ANXA8: variants seen among roughly 807,000 people sequenced by gnomAD.
The protein encoded by ANXA8 is annexin A8.
ANXA8 carries 9 observed loss-of-function variants against 26.8 expected under a neutral mutation model. The observed-to-expected ratio is 0.34, with a 90% confidence interval of 0.20 to 0.59. The LOEUF (loss-of-function observed/expected upper bound fraction) is 0.59, where lower values mean the gene tolerates loss of function less well. Among genes scored for constraint, ANXA8 ranks in the 20% least tolerant of loss-of-function variants. The pLI is 0.84. For missense variants in ANXA8, 83 were observed against 238.5 expected, an observed-to-expected ratio of 0.35 and a Z score of 4.29; for synonymous variants, 39 against 94.8, an observed-to-expected ratio of 0.41 and a Z score of 3.42.
chr10:47,688,721 C>A, the ANXA8 span, among the ~76,000 whole-genome samples: 3 of 151,278 alleles, frequency 2.0e-5, no homozygotes, highest in East Asian at 5.9e-4. Flanking sequence ...GTGCTCTGCC[C>A]CAAAATGACT....
chr10:47,693,285 G>A, the ANXA8 span, among the ~76,000 whole-genome samples: 6 of 150,112 alleles, frequency 4.0e-5, no homozygotes, highest in Non-Finnish European at 8.8e-5. Context: ...GGATTGTCAA[G>A]TACAATCTTT....
At chr10:47,957,211 G>C in the ANXA8 span, among the ~76,000 whole-genome samples, 3 of 150,350 alleles carry the variant, frequency 2.0e-5, no homozygotes, top group Non-Finnish European at 4.4e-5. Context: ...TTCTGTCTCA[G>C]AGGAGAGAGA....
the ANXA8 span, among the ~76,000 whole-genome samples, chr10:47,672,589 T>A: frequency 6.6e-6 from 1 of 151,830 alleles, no homozygotes; most frequent in South Asian, 2.1e-4. Flanking sequence ...ATTCCTGCCC[T>A]TGTGGAGGAG....
the ANXA8 span, among the ~76,000 whole-genome samples, chr10:47,957,057 A>G: frequency 1.3e-5 from 2 of 150,394 alleles, no homozygotes; most frequent in South Asian, 2.1e-4. Flanking sequence ...AGTACCCAGT[A>G]TCCTGGGCTG....
chr10:47,941,898 A>G, the ANXA8 span, among the ~76,000 whole-genome samples: 8 of 147,986 alleles, frequency 5.4e-5, no homozygotes, highest in African/African-American at 2.1e-4. Context: ...AGATTTCTGT[A>G]CAAAATGCCT....
chr10:47,561,700 G>A, the ANXA8 span, among the ~76,000 whole-genome samples: 5 of 151,972 alleles, frequency 3.3e-5, no homozygotes, highest in South Asian at 8.3e-4. Context: ...AGTGCCTAAT[G>A]TATGCCATTT....
the ANXA8 span, among the ~76,000 whole-genome samples, chr10:47,918,435 GA>G: frequency 2.9e-5 from 1 of 35,076 alleles, no homozygotes; most frequent in Non-Finnish European, 5.9e-5. Context: ...GAAAGAAAGA[GA>G]GAGAGAAAGA....
chr10:47,768,907 G>C, the ANXA8 span, among the ~76,000 whole-genome samples: 1 of 150,600 alleles, frequency 6.6e-6, no homozygotes, highest in Non-Finnish European at 1.5e-5. Flanking sequence ...GGTAGTGCGA[G>C]TGTGGCTCAG....
the ANXA8 span, among the ~76,000 whole-genome samples, chr10:47,513,556 C>G: frequency 7.1e-6 from 1 of 141,040 alleles, no homozygotes; most frequent in Admixed American, 7.3e-5. Context: ...TTATATGGAC[C>G]AAACAAGAAC....
chr10:47,658,151 C>T, the ANXA8 span, among the ~76,000 whole-genome samples: 7 of 151,962 alleles, frequency 4.6e-5, no homozygotes, highest in South Asian at 2.1e-4. Flanking sequence ...GGGTGGATCA[C>T]GAGATCAAGA....
At chr10:47,595,255 T>C in the ANXA8 span, among the ~76,000 whole-genome samples, 3 of 148,200 alleles carry the variant, frequency 2.0e-5, no homozygotes, top group Non-Finnish European at 2.9e-5. Context: ...CCTGCAGAAA[T>C]GCTTAAGGGA....
the ANXA8 span, among the ~76,000 whole-genome samples, chr10:47,509,190 A>T: frequency 3.9e-5 from 5 of 129,036 alleles, no homozygotes; most frequent in Non-Finnish European, 6.3e-5. Flanking sequence ...ATGCTAACTT[A>T]TCAAAATCTT....
the ANXA8 span, among the ~76,000 whole-genome samples, chr10:47,989,760 C>T: frequency 6.4e-5 from 6 of 94,426 alleles, 2 homozygotes; most frequent in Admixed American, 2.2e-4. Context: ...TATGTGGCTG[C>T]CCAGAGGCCT....
At chr10:47,690,722 C>T in the ANXA8 span, 1 of 1,547,722 alleles carries the variant, frequency 6.5e-7, no homozygotes, top group South Asian at 1.1e-5. Context: ...CATACAGGAT[C>T]TCAAGAACTT....
the ANXA8 span, among the ~76,000 whole-genome samples, chr10:47,490,027 A>C: frequency 2.0e-5 from 3 of 150,102 alleles, no homozygotes; most frequent in South Asian, 6.3e-4. Flanking sequence ...CTGGAATGGC[A>C]ATGAGCAGGC....
At chr10:47,743,534 G>A in the ANXA8 span, among the ~76,000 whole-genome samples, 1 of 138,950 alleles carries the variant, frequency 7.2e-6, no homozygotes, top group Non-Finnish European at 1.6e-5. Flanking sequence ...CACAAGGGAA[G>A]GTTTTGGGAC....
At chr10:47,953,637 TG>T in the ANXA8 span, among the ~76,000 whole-genome samples, 1 of 150,002 alleles carries the variant, frequency 6.7e-6, no homozygotes, top group Admixed American at 6.6e-5. Flanking sequence ...AGAAAATATT[TG>T]CAAACTACCC....
chr10:47,968,727 G>A, the ANXA8 span, among the ~76,000 whole-genome samples: 6 of 151,268 alleles, frequency 4.0e-5, no homozygotes, highest in South Asian at 6.3e-4. Flanking sequence ...TCTTATCAAC[G>A]GAGTCATGGT....
the ANXA8 span, among the ~76,000 whole-genome samples, chr10:47,756,527 G>A: frequency 2.9e-5 from 4 of 136,786 alleles, no homozygotes; most frequent in African/African-American, 1.1e-4. Flanking sequence ...CTGTTGGGGG[G>A]CTGCTCACTG....
Sources: allele counts gnomAD v4.1 joint callset (sites outside exome capture counted in the v4.1 genomes callset), GRCh38; gene constraint gnomAD v4.1.1; transcripts MANE v1.5; gene names NCBI Gene and HGNC (gene_info 2026-07-23, HGNC 2026-07-21).